The following ULK4 variants were observed in gnomAD, a reference collection of about 807,000 sequenced individuals.
The protein encoded by ULK4 is unc-51 like kinase 4, also known as inactive serine/threonine-protein kinase ULK4.
Under a neutral mutation model 160.6 loss-of-function variants are expected in ULK4, and 133 were observed. The observed-to-expected ratio is 0.83, with a 90% CI of 0.72 to 0.96. ULK4 has a LOEUF of 0.96. ULK4 is among the 40% of genes least tolerant of loss of function. The pLI is 0.00. For missense variants in ULK4, 1,580 were observed against 1,499.5 expected (o/e 1.05, Z -0.89); for synonymous variants, 534 against 539.8 (o/e 0.99, Z 0.15).
chr3:41,719,383 T>G (rs963385322), intron 22 of ULK4, among the ~76,000 whole-genome samples: 1 of 152,226 alleles, frequency 6.6e-6, no homozygotes, highest in Non-Finnish European at 1.5e-5. Context: ...ATCTAAGTTA[T>G]ATGCCAATAT....
chr3:41,925,370 C>A (rs1699342436), intron 5 of ULK4, among the ~76,000 whole-genome samples: 1 of 152,190 alleles, frequency 6.6e-6, no homozygotes, highest in Non-Finnish European at 1.5e-5. Context: ...TGCACTCCGG[C>A]CCACATACTG....
Position 41,811,050 on chromosome 3 carries a change from AT to A in ULK4, c.1848+8372del, listed in dbSNP as rs567683789. ...AGGCATGCACCACTACACTGGGCTA[AT>A]TTTAAATTTTTTTTTTGTAGTGATG... On this transcript the variant is annotated intron_variant, in intron 19 of 36. Transcript: ENST00000301831. Among the ~76,000 whole-genome samples, 472 of 151,154 alleles carry A rather than the reference AT, an allele frequency of 3.1e-3. 1 individual carries two copies. Among genetic ancestry groups the A allele is most frequent in the African/African-American group, 0.011 (448 of 41,120 alleles).
At chr3:41,277,628 C>T (rs2079252417) in intron 35 of ULK4, among the ~76,000 whole-genome samples, 1 of 152,082 alleles carries the variant, frequency 6.6e-6, no homozygotes, top group Admixed American at 6.6e-5. Context: ...ATGACAAGCC[C>T]ACAGCTAACA....
chr3:41,463,401 T>C, intron 32 of ULK4, 148 bp from the exon 33 acceptor site: 1 of 738,206 alleles, frequency 1.4e-6, no homozygotes, highest in East Asian at 2.9e-5. Context: ...CTGAGGAAAG[T>C]TGTTTAAAAT....
At chr3:41,536,113 T>C (rs1388431309) in intron 32 of ULK4, among the ~76,000 whole-genome samples, 4 of 152,168 alleles carry the variant, frequency 2.6e-5, no homozygotes, top group East Asian at 3.8e-4. Context: ...ACTGTGACTT[T>C]TGGAGCTCAC....
At chr3:41,307,938 G>A (rs2079980534) in intron 35 of ULK4, among the ~76,000 whole-genome samples, 1 of 152,182 alleles carries the variant, frequency 6.6e-6, no homozygotes, top group Non-Finnish European at 1.5e-5. Flanking sequence ...TGTTGTGGCT[G>A]CCTCAGAACA....
chr3:41,740,636 C>T (rs527891223), intron 22 of ULK4, among the ~76,000 whole-genome samples: 1 of 151,934 alleles, frequency 6.6e-6, no homozygotes, highest in East Asian at 1.9e-4. Context: ...AAAATGTAAT[C>T]CATAAAAGGC....
chr3:41,825,430 T>C (rs1314227847), intron 18 of ULK4, among the ~76,000 whole-genome samples: 1 of 151,916 alleles, frequency 6.6e-6, no homozygotes, highest in Non-Finnish European at 1.5e-5. Context: ...ATTAGACAAA[T>C]GGCTAACCAG....
At chr3:41,411,858 T>C (rs913062137) in intron 34 of ULK4, among the ~76,000 whole-genome samples, 2 of 152,136 alleles carry the variant, frequency 1.3e-5, no homozygotes, top group African/African-American at 4.8e-5. Flanking sequence ...AAAGGTTGTG[T>C]AGGAGACTGA....
At chr3:41,493,272 A>T (rs1401385540) in intron 32 of ULK4, among the ~76,000 whole-genome samples, 4 of 146,384 alleles carry the variant, frequency 2.7e-5, no homozygotes, top group Non-Finnish European at 4.5e-5. Context: ...GGATTAAGAA[A>T]CTCACTGAAA....
chr3:41,499,566 T>C (rs1295134073), intron 32 of ULK4, among the ~76,000 whole-genome samples: 2 of 152,176 alleles, frequency 1.3e-5, no homozygotes, highest in Admixed American at 6.5e-5. Context: ...ATGAAAAGGA[T>C]GGGAGATTAA....
intron 13 of ULK4, 99 bp from the exon 14 acceptor site, chr3:41,898,591 A>T: frequency 1.4e-6 from 1 of 719,922 alleles, no homozygotes; most frequent in East Asian, 2.7e-5. Flanking sequence ...CAATGAGGAC[A>T]AAAAAAGAAT....
chr3:41,668,508 G>A (rs1279127664), intron 29 of ULK4, among the ~76,000 whole-genome samples: 1 of 152,150 alleles, frequency 6.6e-6, no homozygotes, highest in Non-Finnish European at 1.5e-5. Flanking sequence ...TGCAGCCTGG[G>A]AGCAACAGGC....
intron 35 of ULK4, among the ~76,000 whole-genome samples, chr3:41,333,087 G>T (rs2080480352): frequency 6.6e-6 from 1 of 152,180 alleles, no homozygotes; most frequent in African/African-American, 2.4e-5. Context: ...ACATGAGAAA[G>T]AATCTTTCTT....
At chr3:41,735,717 C>A (rs922980837) in intron 22 of ULK4, among the ~76,000 whole-genome samples, 2 of 72,626 alleles carry the variant, frequency 2.8e-5, no homozygotes, top group African/African-American at 6.6e-5. Context: ...TATTATTATA[C>A]TTTAAGTTTT....
chr3:41,896,122 T>C (rs1325505925), intron 15 of ULK4, among the ~76,000 whole-genome samples: 3 of 152,208 alleles, frequency 2.0e-5, no homozygotes, highest in Admixed American at 6.5e-5. Context: ...CTTCCTTCAA[T>C]GTCACATCAG....
intron 30 of ULK4, among the ~76,000 whole-genome samples, chr3:41,650,371 C>T (rs991571616): frequency 8.5e-5 from 13 of 152,216 alleles, no homozygotes; most frequent in African/African-American, 2.9e-4. Flanking sequence ...GGAGCCCAGA[C>T]CCAGACCTAG....
At chr3:41,900,587 A>G in intron 13 of ULK4, 138 bp downstream of exon 13, 1 of 688,020 alleles carries the variant, frequency 1.5e-6, no homozygotes, top group South Asian at 2.1e-5. Context: ...AAATGCAGAC[A>G]TGCAGCACAA....
At chr3:41,797,890 A>T (rs1363019631) in intron 20 of ULK4, among the ~76,000 whole-genome samples, 2 of 151,282 alleles carry the variant, frequency 1.3e-5, no homozygotes, top group Non-Finnish European at 2.9e-5. Flanking sequence ...AAAGGAAAGA[A>T]AAGAAAACAA....
Sources: allele counts gnomAD v4.1 joint callset (sites outside exome capture counted in the v4.1 genomes callset), GRCh38; gene constraint gnomAD v4.1.1; transcripts MANE v1.5; gene names NCBI Gene and HGNC (gene_info 2026-07-23, HGNC 2026-07-21).